RBFOX1: variants seen among roughly 807,000 people sequenced by gnomAD.
RBFOX1 encodes the protein RNA binding protein fox-1 homolog 1.
In RBFOX1, 8 loss-of-function variants were observed where a neutral mutation model predicts 57.7. The observed-to-expected ratio is 0.14, with a 90% CI of 0.08 to 0.25. RBFOX1 has a LOEUF of 0.25. RBFOX1 is among the 10% of genes least tolerant of loss of function. The pLI is 1.00. For missense variants in RBFOX1, 611 were observed against 548.5 expected, an observed-to-expected ratio of 1.11 and a Z score of -1.14; for synonymous variants, 326 against 222.4, an observed-to-expected ratio of 1.47 and a Z score of -4.15.
At chr16:6,483,782 C>T in intron 2 of RBFOX1, 1 of 1,400,440 alleles carries the variant, frequency 7.1e-7, no homozygotes, top group Non-Finnish European at 9.3e-7. Flanking sequence ...AACGTTAGCG[C>T]AGACACGGTG....
chr16:6,041,425 C>T (rs576269632), intron 1 of RBFOX1, among the ~76,000 whole-genome samples: 1 of 152,152 alleles, frequency 6.6e-6, no homozygotes, highest in African/African-American at 2.4e-5. Context: ...TCCAAGCATT[C>T]ACTGGGCATC....
At chr16:5,856,335 TTATATA>T (rs55763325) in intron 3 of RBFOX1, among the ~76,000 whole-genome samples, 1 of 104,554 alleles carries the variant, frequency 9.6e-6, no homozygotes, top group Admixed American at 1.1e-4. Context: ...AACTGTTATA[TTATATA>T]TATATATATA....
intron 2 of RBFOX1, among the ~76,000 whole-genome samples, chr16:6,592,150 C>G (rs1057265804): frequency 9.2e-5 from 14 of 152,204 alleles, no homozygotes; most frequent in African/African-American, 3.4e-4. Context: ...ATCTCTCCAA[C>G]TTCTTTTCTT....
intron 1 of RBFOX1, among the ~76,000 whole-genome samples, chr16:6,258,813 A>G (rs1386791430): frequency 6.6e-6 from 1 of 152,156 alleles, no homozygotes; most frequent in African/African-American, 2.4e-5. Context: ...TGGAGACCCC[A>G]TTTTACATGA....
intron 3 of RBFOX1, among the ~76,000 whole-genome samples, chr16:6,951,264 A>C (rs2080700877): frequency 6.6e-6 from 1 of 152,028 alleles, no homozygotes; most frequent in Non-Finnish European, 1.5e-5. Context: ...AACGTAATAG[A>C]GTCACCCATC....
chr16:5,391,887 G>GTA (rs142607823), intron 1 of RBFOX1, among the ~76,000 whole-genome samples: 57,302 of 146,452 alleles, frequency 0.39, 11,213 homozygotes, highest in Non-Finnish European at 0.41. Context: ...GTGTGTGTGT[G>GTA]TATACACACA....
chr16:6,899,205 G>GTA (rs371402525), intron 3 of RBFOX1, among the ~76,000 whole-genome samples: 1 of 148,202 alleles, frequency 6.7e-6, no homozygotes, highest in Non-Finnish European at 1.5e-5. Flanking sequence ...GCATATGTGT[G>GTA]TATATGTGTG....
intron 14 of RBFOX1, among the ~76,000 whole-genome samples, chr16:7,681,826 C>G (rs1346150040): frequency 1.3e-5 from 2 of 152,040 alleles, no homozygotes; most frequent in African/African-American, 4.8e-5. Flanking sequence ...GCTTTGCTTT[C>G]CCCAGTCCTC....
At chr16:6,864,782 G>C (rs1175385181) in intron 3 of RBFOX1, among the ~76,000 whole-genome samples, 4 of 151,444 alleles carry the variant, frequency 2.6e-5, no homozygotes, top group African/African-American at 7.3e-5. Context: ...CCTCTAATGT[G>C]GGTTTAAAAA....
intron 1 of RBFOX1, among the ~76,000 whole-genome samples, chr16:5,262,930 T>C (rs912670698): frequency 6.6e-6 from 1 of 152,010 alleles, no homozygotes; most frequent in African/African-American, 2.4e-5. Context: ...ACTGGGGACA[T>C]GGGTTGGAGG....
chr16:6,991,108 C>T (rs2091353787), intron 3 of RBFOX1, among the ~76,000 whole-genome samples: 1 of 129,964 alleles, frequency 7.7e-6, no homozygotes, highest in South Asian at 2.6e-4. Context: ...TCGAGGCCAT[C>T]CTAGGCAACG....
chr16:6,706,429 A>T (rs2062756602), intron 3 of RBFOX1, among the ~76,000 whole-genome samples: 1 of 152,242 alleles, frequency 6.6e-6, no homozygotes, highest in South Asian at 2.1e-4. Context: ...CATGATAATT[A>T]GTAGCCTCCC....
intron 4 of RBFOX1, among the ~76,000 whole-genome samples, chr16:7,292,771 G>C (rs2095817902): frequency 6.6e-6 from 1 of 151,952 alleles, no homozygotes; most frequent in South Asian, 2.1e-4. Flanking sequence ...TATTTTATCT[G>C]ATACGAGGTG....
chr16:7,184,922 T>TC (rs2083422793), intron 4 of RBFOX1, among the ~76,000 whole-genome samples: 3 of 148,854 alleles, frequency 2.0e-5, no homozygotes, highest in African/African-American at 7.8e-5. Flanking sequence ...GCTTACTTGG[T>TC]GCCCAAAGTA....
intron 2 of RBFOX1, among the ~76,000 whole-genome samples, chr16:6,482,485 C>G (rs2095386820): frequency 6.6e-6 from 1 of 152,178 alleles, no homozygotes; most frequent in Non-Finnish European, 1.5e-5. Flanking sequence ...TGAAATAGAT[C>G]TATGAGGACT....
chr16:7,329,415 T>C (rs1034685452), intron 4 of RBFOX1, among the ~76,000 whole-genome samples: 1 of 152,176 alleles, frequency 6.6e-6, no homozygotes, highest in Non-Finnish European at 1.5e-5. Context: ...GCACTGCCAC[T>C]GGGGAATGGA....
intron 3 of RBFOX1, among the ~76,000 whole-genome samples, chr16:6,676,024 G>A (rs539056160): frequency 1.3e-5 from 2 of 152,054 alleles, no homozygotes; most frequent in Admixed American, 1.3e-4. Context: ...AAAAGGAAAA[G>A]AGGTCCTCAA....
intron 4 of RBFOX1, among the ~76,000 whole-genome samples, chr16:7,055,097 A>G (rs2051679374): frequency 6.6e-6 from 1 of 152,194 alleles, no homozygotes; most frequent in South Asian, 2.1e-4. Flanking sequence ...TAAAATGATC[A>G]TATGATTAAT....
At chr16:5,856,537 A>ATGTGTGTGTGTG (rs774246673) in intron 3 of RBFOX1, among the ~76,000 whole-genome samples, 1 of 70,258 alleles carries the variant, frequency 1.4e-5, no homozygotes, top group Non-Finnish European at 2.7e-5. Flanking sequence ...ATATATGTGT[A>ATGTGTGTGTGTG]TGTGTGTGTG....
Sources: gnomAD v4.1 joint callset for allele counts (sites outside exome capture counted in the v4.1 genomes callset) on GRCh38, gnomAD v4.1.1 for gene constraint, MANE v1.5 for transcripts, NCBI Gene and HGNC (gene_info 2026-07-23, HGNC 2026-07-21) for gene names.